Variants in SERINC1 observed in about 807,000 individuals in gnomAD.
SERINC1 encodes the protein serine incorporator 1.
In SERINC1, 38 loss-of-function variants were observed where a neutral mutation model predicts 52.9. The ratio of observed to expected loss-of-function variants is 0.72; its 90% CI spans 0.55 to 0.94. The LOEUF (loss-of-function observed/expected upper bound fraction) is 0.94, where lower values mean the gene tolerates loss of function less well. Ranked by LOEUF, SERINC1 falls within the 40% of genes least tolerant of loss-of-function variation. The probability of loss-of-function intolerance (pLI) is 0.00; values close to 1 mark genes in which losing one functional copy is unlikely to be tolerated. For missense variants in SERINC1, 471 were observed against 533.9 expected (o/e 0.88, Z 1.16); for synonymous variants, 198 against 183.1 (o/e 1.08, Z -0.66).
intron 7 of SERINC1, among the ~76,000 whole-genome samples, chr6:122,448,017 G>C (rs1366962417): frequency 6.6e-6 from 1 of 151,786 alleles, no homozygotes; most frequent in African/African-American, 2.4e-5. Flanking sequence ...GGGAGGCTGA[G>C]GCAGAAAGAC....
intron 1 of SERINC1, among the ~76,000 whole-genome samples, chr6:122,459,827 C>T (rs573654587): frequency 3.9e-5 from 6 of 152,008 alleles, no homozygotes; most frequent in African/African-American, 1.2e-4. Context: ...AGGGAAAAAA[C>T]GGACTTAACT....
intron 1 of SERINC1, among the ~76,000 whole-genome samples, chr6:122,470,825 A>G (rs1446798777): frequency 6.6e-6 from 1 of 152,114 alleles, no homozygotes; most frequent in East Asian, 1.9e-4. Context: ...AAAATTACAA[A>G]TATCTTTATT....
chr6:122,456,385 T>C (rs1458283010), intron 3 of SERINC1, 96 bp downstream of exon 3: 1 of 714,390 alleles, frequency 1.4e-6, no homozygotes, highest in African/African-American at 1.8e-5. Flanking sequence ...GCAAATTGTA[T>C]AAGTTTATTT....
At chr6:122,449,585 G>C in intron 7 of SERINC1, among the ~76,000 whole-genome samples, 1 of 152,182 alleles carries the variant, frequency 6.6e-6, no homozygotes, top group East Asian at 1.9e-4. Flanking sequence ...AGAAAAGTTT[G>C]AAACTAGATG....
chr6:122,454,331 T>C (rs1774961245), intron 3 of SERINC1, 101 bp from the exon 4 acceptor site: 6 of 652,114 alleles, frequency 9.2e-6, no homozygotes, highest in Admixed American at 8.6e-5. Context: ...CTACACTTTA[T>C]GTGAATGTTC....
At position 122,451,776 on chromosome 6, in the gene SERINC1, A is replaced by AAAAAAAAAAAATATATATATATAT; in HGVS notation, c.760-23_760-22insATATATATATATATTTTTTTTTTT. 5.3e-5 allele frequency: 6 copies of AAAAAAAAAAAATATATATATATAT among 113,074 alleles called. No individual in the cohort carries two copies. The Admixed American group carries it at 9.6e-4, about 18-fold the overall frequency. The allele number at this position is 113,074 out of a possible 1,614,324, so 7.0% of individuals were successfully genotyped here. On this transcript the variant is annotated intron_variant, in intron 6 of 9. Transcript: ENST00000339697. ...ATTCCTACAAAAAAAAAAAAAAAAAAATATATATATATATATATAGCAACA... is the reference window on the plus strand; with the variant it reads ...ATTCCTACAAAAAAAAAAAAAAAAAAAAAAAAAAAAATATATATATATATATATATATATATATATATAGCAACA...
At chr6:122,445,318 G>T (rs994004218) in intron 9 of SERINC1, 139 bp from the exon 10 acceptor site, 2 of 795,788 alleles carry the variant, frequency 2.5e-6, no homozygotes, top group African/African-American at 1.8e-5. Flanking sequence ...CATCTAATCT[G>T]CTCCCTTTCT....
Position 122,443,544 on chromosome 6 carries a change from ACT to A in SERINC1, c.*1498_*1499del, listed in dbSNP as rs1202186019. ...ACTAGTGACACATACAAATAACTAAACTCTCATACTGCTTGATTTTCAGGTTG... is the reference window on the plus strand; with the variant it reads ...ACTAGTGACACATACAAATAACTAAACTCATACTGCTTGATTTTCAGGTTG... On this transcript the variant is annotated 3_prime_UTR_variant, in exon 10 of 10. Transcript: ENST00000339697. 6.6e-6 allele frequency: 1 copy of A among 152,050 alleles called. No homozygotes were observed. Among genetic ancestry groups the A allele is most frequent in the Non-Finnish European group, 1.5e-5 (1 of 68,026 alleles). 9.4% of individuals were successfully genotyped at this position (152,050 alleles called of 1,614,324 possible).
At chr6:122,448,514 A>G (rs1174591333) in intron 7 of SERINC1, among the ~76,000 whole-genome samples, 2 of 115,198 alleles carry the variant, frequency 1.7e-5, no homozygotes, top group Non-Finnish European at 4.1e-5. Flanking sequence ...TCCTTTCAAC[A>G]TATGTTTCTA....
chr6:122,452,479 G>C (rs895014889), intron 5 of SERINC1, among the ~76,000 whole-genome samples: 1 of 152,134 alleles, frequency 6.6e-6, no homozygotes, highest in Non-Finnish European at 1.5e-5. Flanking sequence ...CATTATTAAT[G>C]TTAAGCCCTC....
intron 3 of SERINC1, chr6:122,454,548 A>C (rs1417558485): frequency 3.8e-6 from 1 of 260,454 alleles, no homozygotes; most frequent in Non-Finnish European, 7.8e-6. Context: ...ATGTGAAAGG[A>C]ATGGATTAAA....
At position 122,444,174 on chromosome 6, in the gene SERINC1, A is replaced by G. The variant is rs1318323737; in HGVS notation, c.*870T>C. 6.6e-6 allele frequency: 1 copy of G among 152,136 alleles called. No homozygotes were observed. Among genetic ancestry groups the G allele is most frequent in the Non-Finnish European group, 1.5e-5 (1 of 68,054 alleles). The allele number at this position is 152,136 out of a possible 1,614,324, so 9.4% of individuals were successfully genotyped here. A position where few individuals can be genotyped will look rare whatever the true frequency, so the allele number is the denominator to read the frequency against. On this transcript the variant is annotated 3_prime_UTR_variant, in exon 10 of 10. Coordinates refer to ENST00000339697, the MANE Select transcript of SERINC1 (RefSeq NM_020755.4). ...AAAGCCCAGATTATTTTTTATAGAA[A>G]CAGGGTTTCACCATGTTGCCCAGGC...
chr6:122,468,408 C>T (rs1182139620), intron 1 of SERINC1, among the ~76,000 whole-genome samples: 8 of 152,196 alleles, frequency 5.3e-5, no homozygotes, highest in Non-Finnish European at 1.2e-4. Flanking sequence ...TGAAAAATGT[C>T]TGCAGATATT....
At chr6:122,459,595 A>T (rs1775064629) in intron 1 of SERINC1, among the ~76,000 whole-genome samples, 1 of 152,216 alleles carries the variant, frequency 6.6e-6, no homozygotes, top group Non-Finnish European at 1.5e-5. Flanking sequence ...AAAGTTAAAC[A>T]TAAACATCTC....
intron 9 of SERINC1, among the ~76,000 whole-genome samples, chr6:122,446,413 T>G (rs1187570125): frequency 6.6e-6 from 1 of 152,108 alleles, no homozygotes; most frequent in African/African-American, 2.4e-5. Context: ...TTTTCAGAGC[T>G]TTTAATGACA....
At chr6:122,461,557 T>C (rs979586552) in intron 1 of SERINC1, among the ~76,000 whole-genome samples, 18 of 151,374 alleles carry the variant, frequency 1.2e-4, no homozygotes, top group Non-Finnish European at 2.5e-4. Context: ...TACCTAATGC[T>C]AGATGACGAG....
In SERINC1 at chr6:122,447,006, T is replaced by C. The variant is rs1479980578; in HGVS notation, c.996-2A>G. 2 of 1,601,148 alleles carry C rather than the reference T, an allele frequency of 1.2e-6. No homozygotes were observed. Among genetic ancestry groups the C allele is most frequent in the East Asian group, 2.2e-5 (1 of 44,788 alleles). On this transcript the variant is annotated splice_acceptor_variant, in intron 8 of 9. Transcript: ENST00000339697. LOFTEE classifies it high-confidence loss of function. The stretch of plus-strand genomic sequence containing the variant: ...TGACTATTGTTTGAAGTACGGATGC[T>C]GTATGAAAGAGAGTTTAGGAGGAGA...
At chr6:122,471,636 C>A (rs1039861572) in intron 1 of SERINC1, 63 bp downstream of exon 1, 2 of 1,609,660 alleles carry the variant, frequency 1.2e-6, no homozygotes, top group Admixed American at 3.3e-5. Flanking sequence ...CCAGCCCCGG[C>A]TCGGATCGCC....
At chr6:122,445,721 C>A (rs1387871101) in intron 9 of SERINC1, among the ~76,000 whole-genome samples, 4 of 151,300 alleles carry the variant, frequency 2.6e-5, no homozygotes, top group Non-Finnish European at 4.4e-5. Flanking sequence ...GGTATAAAGC[C>A]TTAATATCTA....
Sources: gnomAD v4.1 joint callset for allele counts (sites outside exome capture counted in the v4.1 genomes callset) on GRCh38, gnomAD v4.1.1 for gene constraint, MANE v1.5 for transcripts, NCBI Gene and HGNC (gene_info 2026-07-23, HGNC 2026-07-21) for gene names.